Variants in SOX5 observed in about 807,000 individuals in gnomAD.
SOX5 encodes SRY-box transcription factor 5, also known as transcription factor SOX-5.
Under a neutral mutation model 92.0 loss-of-function variants are expected in SOX5, and 9 were observed. That is an observed-to-expected ratio of 0.10 (90% confidence interval 0.06 to 0.17). SOX5 has a LOEUF of 0.17. Among genes scored for constraint, SOX5 ranks in the 10% least tolerant of loss-of-function variants. SOX5 has a pLI of 1.00. For missense variants in SOX5, 642 were observed against 944.5 expected, an observed-to-expected ratio of 0.68 and a Z score of 4.20; for synonymous variants, 344 against 336.3, an observed-to-expected ratio of 1.02 and a Z score of -0.25.
rs144519964 is a variant in SOX5, at chr12:23,687,825, A to T, written c.811-22261T>A. Among the ~76,000 whole-genome samples, 441 of 152,066 alleles carry T rather than the reference A, an allele frequency of 2.9e-3. 4 individuals carry two copies. Among genetic ancestry groups the T allele is most frequent in the African/African-American group, 0.01 (433 of 41,508 alleles). Reference sequence around the variant, plus strand: ...ATCTCTACAATGGCTGCAACGAAGCACTGGGGACTATTTTCTCTGAATCAG... The same window carrying T: ...ATCTCTACAATGGCTGCAACGAAGCTCTGGGGACTATTTTCTCTGAATCAG... On this transcript the variant is annotated intron_variant, in intron 6 of 14. Coordinates refer to ENST00000451604, the MANE Select transcript of SOX5 (RefSeq NM_006940.6).
chr12:23,620,013 A>G (rs2076990662), intron 8 of SOX5, among the ~76,000 whole-genome samples: 1 of 152,172 alleles, frequency 6.6e-6, no homozygotes, highest in Admixed American at 6.6e-5. Context: ...CCAAATGTGC[A>G]AAATACTACA....
At chr12:24,069,569 A>C (rs2137413146) in intron 4 of SOX5, among the ~76,000 whole-genome samples, 1 of 152,330 alleles carries the variant, frequency 6.6e-6, no homozygotes, top group East Asian at 1.9e-4. Context: ...TTACACAGTG[A>C]CAGATCAGTG....
At chr12:23,882,750 C>A (rs2097010560) in intron 2 of SOX5, among the ~76,000 whole-genome samples, 1 of 152,270 alleles carries the variant, frequency 6.6e-6, no homozygotes, top group South Asian at 2.1e-4. Flanking sequence ...GAATTAAATA[C>A]CATCATTTCA....
intron 3 of SOX5, among the ~76,000 whole-genome samples, chr12:23,829,173 G>C (rs2096276459): frequency 6.6e-6 from 1 of 151,852 alleles, no homozygotes; most frequent in African/African-American, 2.4e-5. Context: ...TATTTAATTA[G>C]GGCAAATGCT....
At position 24,400,245 on chromosome 12, in the gene SOX5, A is replaced by G. The variant is rs1961192203; in HGVS notation, c.-250-31606T>C. On this transcript the variant is annotated intron_variant, in intron 1 of 4. Transcript: ENST00000446891. ...TGGCACAATCTCTGAAGTGGGTGAA[A>G]TAACTAAAATGCTAATTAGTTTTTA... Among the ~76,000 whole-genome samples the G allele has an allele frequency of 2.0e-5, 3 of 152,242 alleles. No individual in the cohort carries two copies. The South Asian group carries it at 6.2e-4, about 32-fold the overall frequency.
At chr12:24,408,919 G>A (rs915186876) in intron 1 of SOX5, among the ~76,000 whole-genome samples, 48 of 152,290 alleles carry the variant, frequency 3.2e-4, no homozygotes, top group African/African-American at 1.1e-3. Context: ...ACAGCATGGT[G>A]ATTCCTCGAG....
At chr12:24,265,206 G>A (rs1283963034) in intron 3 of SOX5, among the ~76,000 whole-genome samples, 1 of 152,154 alleles carries the variant, frequency 6.6e-6, no homozygotes, top group African/African-American at 2.4e-5. Context: ...AAATAACTTA[G>A]ATTCTAAGTT....
intron 9 of SOX5, among the ~76,000 whole-genome samples, chr12:23,595,200 T>C (rs1228941619): frequency 6.6e-6 from 1 of 152,054 alleles, no homozygotes; most frequent in Non-Finnish European, 1.5e-5. Flanking sequence ...TAGGGTGCTA[T>C]AGAACACTAA....
At position 23,531,167 on chromosome 12, in the gene SOX5, A is replaced by T. The variant is rs562014611; in HGVS notation, c.*3052T>A. ...CTTTTGGGGAAAACTAGGGCAAAGA[A>T]AATTTGATGTCCAGTGAATTAACCG... On this transcript the variant is annotated 3_prime_UTR_variant, in exon 15 of 15. Transcript: ENST00000451604. 11 of 152,332 alleles carry T rather than the reference A, an allele frequency of 7.2e-5. No individual in the cohort carries two copies. The East Asian group carries it at 9.6e-4, about 13-fold the overall frequency. The allele number at this position is 152,332 out of a possible 1,614,324, so 9.4% of individuals were successfully genotyped here.
At chr12:24,119,219 A>G (rs191405842) in intron 4 of SOX5, among the ~76,000 whole-genome samples, 9 of 152,278 alleles carry the variant, frequency 5.9e-5, no homozygotes, top group African/African-American at 2.2e-4. Flanking sequence ...CCTCTGGATG[A>G]TTAATGTTTT....
chr12:24,299,279 A>C (rs1947681521), intron 2 of SOX5, among the ~76,000 whole-genome samples: 1 of 152,212 alleles, frequency 6.6e-6, no homozygotes. Context: ...AATGTGAGAG[A>C]CTATTCAGCA....
At chr12:24,552,523 G>T (rs1248455828) in intron 1 of SOX5, among the ~76,000 whole-genome samples, 1 of 152,186 alleles carries the variant, frequency 6.6e-6, no homozygotes, top group East Asian at 1.9e-4. Context: ...CTGACTGGAT[G>T]ATCACCTTTG....
intron 2 of SOX5, among the ~76,000 whole-genome samples, chr12:24,289,485 G>A (rs1286034304): frequency 1.9e-5 from 2 of 108,022 alleles, no homozygotes; most frequent in African/African-American, 5.6e-5. Context: ...ACGGAGTCTC[G>A]CTCTGTCGCC....
chr12:24,031,986 T>G (rs567382385), intron 4 of SOX5, among the ~76,000 whole-genome samples: 1 of 152,010 alleles, frequency 6.6e-6, no homozygotes, highest in Admixed American at 6.6e-5. Context: ...ATATTGAATA[T>G]AAACCGGAAG....
intron 2 of SOX5, among the ~76,000 whole-genome samples, chr12:23,886,404 G>T (rs2097066032): frequency 6.6e-6 from 1 of 152,106 alleles, no homozygotes; most frequent in South Asian, 2.1e-4. Flanking sequence ...GAATCTAACT[G>T]ATGTGGCCAA....
intron 2 of SOX5, among the ~76,000 whole-genome samples, chr12:24,358,368 G>A (rs927369710): frequency 6.6e-6 from 1 of 152,194 alleles, no homozygotes; most frequent in Non-Finnish European, 1.5e-5. Context: ...AGTGATTACA[G>A]TATTAATCAC....
chr12:23,778,720 G>C (rs2095185204), intron 3 of SOX5, among the ~76,000 whole-genome samples: 1 of 152,300 alleles, frequency 6.6e-6, no homozygotes, highest in South Asian at 2.1e-4. Flanking sequence ...CAATGATCTT[G>C]TGTTGCAGGC....
At chr12:24,558,136 G>A (rs1953988146) in intron 1 of SOX5, among the ~76,000 whole-genome samples, 1 of 152,132 alleles carries the variant, frequency 6.6e-6, no homozygotes, top group South Asian at 2.1e-4. Context: ...CAAAATAACA[G>A]TAATATCATC....
chr12:24,064,055 G>T (rs1940221443), intron 4 of SOX5, among the ~76,000 whole-genome samples: 1 of 152,160 alleles, frequency 6.6e-6, no homozygotes, highest in Admixed American at 6.5e-5. Flanking sequence ...TCAGCATCCA[G>T]AACTACCATC....
Sources: gnomAD v4.1 joint callset for allele counts (sites outside exome capture counted in the v4.1 genomes callset) on GRCh38, gnomAD v4.1.1 for gene constraint, MANE v1.5 for transcripts, NCBI Gene and HGNC (gene_info 2026-07-23, HGNC 2026-07-21) for gene names.